Variants in ANKFN1 observed in about 807,000 individuals in gnomAD.
The protein encoded by ANKFN1 is ankyrin repeat and fibronectin type-III domain-containing protein 1.
In ANKFN1, 74 loss-of-function variants were observed where a neutral mutation model predicts 108.7. The observed-to-expected ratio is 0.68, with a 90% CI of 0.56 to 0.83. The LOEUF (loss-of-function observed/expected upper bound fraction) is 0.83. Among genes scored for constraint, ANKFN1 ranks in the 40% least tolerant of loss-of-function variants. The pLI, the probability that ANKFN1 is intolerant of heterozygous loss-of-function variation, is 0.00. For synonymous variants in ANKFN1, 547 were observed against 516.2 expected (o/e 1.06, Z -0.81); for missense variants, 1,505 against 1,382.3 (o/e 1.09, Z -1.41).
intron 4 of ANKFN1, among the ~76,000 whole-genome samples, chr17:56,099,961 A>C (rs1905609206): frequency 6.6e-6 from 1 of 152,246 alleles, no homozygotes; most frequent in South Asian, 2.1e-4. Flanking sequence ...AGAAATGAGC[A>C]GAAGAGGGAG....
At chr17:56,485,282 A>G (rs559958858) in intron 18 of ANKFN1, among the ~76,000 whole-genome samples, 2 of 152,360 alleles carry the variant, frequency 1.3e-5, no homozygotes, top group Admixed American at 1.3e-4. Context: ...AAATCTGGCT[A>G]AGGGACTCAA....
At chr17:56,340,351 T>C (rs564276184) in intron 4 of ANKFN1, among the ~76,000 whole-genome samples, 1 of 152,320 alleles carries the variant, frequency 6.6e-6, no homozygotes, top group South Asian at 2.1e-4. Flanking sequence ...CAAATGCTTT[T>C]GGCATCTTCA....
chr17:56,241,344 G>A (rs1259850497), intron 3 of ANKFN1, among the ~76,000 whole-genome samples: 1 of 152,154 alleles, frequency 6.6e-6, no homozygotes, highest in East Asian at 1.9e-4. Flanking sequence ...GAAGTAGGGG[G>A]TCTAACTTTA....
At chr17:56,380,933 G>T (rs1190802439) in intron 8 of ANKFN1, among the ~76,000 whole-genome samples, 3 of 152,204 alleles carry the variant, frequency 2.0e-5, no homozygotes, top group Non-Finnish European at 4.4e-5. Context: ...GAAGAGAGCA[G>T]TGGTTCTCCC....
At chr17:56,146,396 C>T (rs1318266796) in intron 4 of ANKFN1, among the ~76,000 whole-genome samples, 2 of 152,208 alleles carry the variant, frequency 1.3e-5, no homozygotes, top group East Asian at 3.8e-4. Flanking sequence ...TGTGGGGGCT[C>T]CAACCCTACA....
At chr17:56,226,275 G>A (rs1194776985) in intron 2 of ANKFN1, among the ~76,000 whole-genome samples, 1 of 152,024 alleles carries the variant, frequency 6.6e-6, no homozygotes, top group Non-Finnish European at 1.5e-5. Flanking sequence ...ATCTTGTCGG[G>A]TCAAACTATA....
In ANKFN1 at chr17:56,511,556, A is replaced by C; in HGVS notation, c.*287A>C. The C allele has an allele frequency of 2.9e-6, 1 of 340,350 alleles. No individual in the cohort carries two copies. 21.1% of individuals were successfully genotyped at this position (340,350 alleles called of 1,614,324 possible). A position where few individuals can be genotyped will look rare whatever the true frequency, so the allele number is the denominator to read the frequency against. On this transcript the variant is annotated 3_prime_UTR_variant, in exon 21 of 21. Coordinates refer to ENST00000682825, the MANE Select transcript of ANKFN1 (RefSeq NM_001370326.1). ...ACATGCCACCCTGTTGGTGGCACCTATGACTGAAGCTGGCCATCCCAAAGA... is the reference window on the plus strand; with the variant it reads ...ACATGCCACCCTGTTGGTGGCACCTCTGACTGAAGCTGGCCATCCCAAAGA...
At chr17:56,096,046 G>T (rs2143207246) in intron 4 of ANKFN1, among the ~76,000 whole-genome samples, 1 of 152,256 alleles carries the variant, frequency 6.6e-6, no homozygotes, top group South Asian at 2.1e-4. Flanking sequence ...TGCCTGTAAA[G>T]TGGCCATAAT....
intron 18 of ANKFN1, among the ~76,000 whole-genome samples, chr17:56,491,589 T>C (rs1006800208): frequency 2.0e-5 from 3 of 152,172 alleles, no homozygotes; most frequent in African/African-American, 7.2e-5. Context: ...AGAAATGGTC[T>C]GTCCAAGCAA....
At chr17:56,340,395 T>C (rs1471367695) in intron 4 of ANKFN1, among the ~76,000 whole-genome samples, 1 of 152,072 alleles carries the variant, frequency 6.6e-6, no homozygotes, top group East Asian at 1.9e-4. Flanking sequence ...ATGTCCTGAA[T>C]GACACAGCCT....
intron 11 of ANKFN1, among the ~76,000 whole-genome samples, chr17:56,453,363 G>T (rs879708603): frequency 2.6e-5 from 4 of 151,934 alleles, no homozygotes; most frequent in Non-Finnish European, 4.4e-5. Context: ...TGTTTTCCCT[G>T]TAGTTAATAA....
chr17:56,395,290 G>A (rs1468626069), intron 8 of ANKFN1, among the ~76,000 whole-genome samples: 1 of 152,170 alleles, frequency 6.6e-6, no homozygotes, highest in Admixed American at 6.5e-5. Context: ...CCCTACACTT[G>A]AAAAGGAGTG....
At chr17:56,171,601 G>C (rs1288355605) in intron 1 of ANKFN1, among the ~76,000 whole-genome samples, 1 of 152,164 alleles carries the variant, frequency 6.6e-6, no homozygotes, top group African/African-American at 2.4e-5. Flanking sequence ...AAATCCAAAG[G>C]CTGGGGACTG....
At chr17:56,074,766 A>G (rs1247119730) in intron 4 of ANKFN1, among the ~76,000 whole-genome samples, 2 of 152,188 alleles carry the variant, frequency 1.3e-5, no homozygotes, top group African/African-American at 4.8e-5. Flanking sequence ...TTCCAACTTC[A>G]AGACAGAATC....
chr17:56,074,801 G>C (rs906650583), intron 4 of ANKFN1, among the ~76,000 whole-genome samples: 3 of 152,130 alleles, frequency 2.0e-5, no homozygotes, highest in Non-Finnish European at 4.4e-5. Flanking sequence ...AAATAAATCT[G>C]TTATTGGCAA....
chr17:56,163,563 CTA>C (rs1011160784), intron 1 of ANKFN1, among the ~76,000 whole-genome samples: 19 of 152,324 alleles, frequency 1.2e-4, no homozygotes, highest in African/African-American at 4.1e-4. Context: ...ACTTCCATAC[CTA>C]TGTTTCCTTG....
chr17:56,399,854 T>C (rs1388123743), intron 8 of ANKFN1, among the ~76,000 whole-genome samples: 1 of 142,758 alleles, frequency 7.0e-6, no homozygotes, highest in East Asian at 2.1e-4. Flanking sequence ...TATATATATA[T>C]ATATATATAT....
intron 3 of ANKFN1, among the ~76,000 whole-genome samples, chr17:56,289,488 C>A (rs895876826): frequency 6.6e-6 from 1 of 152,178 alleles, no homozygotes; most frequent in South Asian, 2.1e-4. Flanking sequence ...TTCTCATTCA[C>A]GTCAGCAGGA....
At chr17:56,280,446 C>A (rs2044049783) in intron 3 of ANKFN1, among the ~76,000 whole-genome samples, 1 of 152,220 alleles carries the variant, frequency 6.6e-6, no homozygotes. Flanking sequence ...AGGATTTACA[C>A]CAGAATGACC....
Sources: allele counts gnomAD v4.1 joint callset (sites outside exome capture counted in the v4.1 genomes callset), GRCh38; gene constraint gnomAD v4.1.1; transcripts MANE v1.5; gene names NCBI Gene and HGNC (gene_info 2026-07-23, HGNC 2026-07-21).